The following MTUS2 variants were observed in gnomAD, a reference collection of about 807,000 sequenced individuals.
MTUS2 encodes the protein microtubule-associated tumor suppressor candidate 2.
In MTUS2, 40 loss-of-function variants were observed where a neutral mutation model predicts 114.1. The observed-to-expected ratio is 0.35, with a 90% CI of 0.27 to 0.46. The LOEUF (loss-of-function observed/expected upper bound fraction) is 0.46. MTUS2 is among the 20% of genes least tolerant of loss of function. The probability of loss-of-function intolerance (pLI) is 1.00; values close to 1 mark genes in which losing one functional copy is unlikely to be tolerated. For missense variants in MTUS2, 1,679 were observed against 1,705.4 expected (o/e 0.98, Z 0.27); for synonymous variants, 688 against 672.0 (o/e 1.02, Z -0.37).
intron 8 of MTUS2, among the ~76,000 whole-genome samples, chr13:29,405,897 T>C (rs2138518879): frequency 6.6e-6 from 1 of 151,944 alleles, no homozygotes; most frequent in Middle Eastern, 3.4e-3. Context: ...CCTGCCACCA[T>C]GCCTGACTAA....
intron 2 of MTUS2, among the ~76,000 whole-genome samples, chr13:28,956,305 T>C (rs1883062791): frequency 6.6e-6 from 1 of 152,078 alleles, no homozygotes; most frequent in African/African-American, 2.4e-5. Context: ...CCCTCACTCC[T>C]ATCCCCAGCA....
intron 5 of MTUS2, among the ~76,000 whole-genome samples, chr13:29,217,838 C>A (rs982486047): frequency 3.3e-5 from 5 of 152,148 alleles, no homozygotes; most frequent in African/African-American, 9.7e-5. Context: ...TGTTCACAGG[C>A]CAGGTGTCCT....
chr13:29,309,798 G>A (rs534992700), intron 6 of MTUS2, among the ~76,000 whole-genome samples: 2 of 151,962 alleles, frequency 1.3e-5, no homozygotes, highest in Non-Finnish European at 2.9e-5. Context: ...GTACATAGTA[G>A]GTGTATATAT....
chr13:29,153,190 C>T (rs1037969144), intron 5 of MTUS2, among the ~76,000 whole-genome samples: 2 of 152,122 alleles, frequency 1.3e-5, no homozygotes, highest in Admixed American at 6.5e-5. Context: ...GCTCTTGACA[C>T]TTCAGTCCAA....
intron 4 of MTUS2, among the ~76,000 whole-genome samples, chr13:29,059,765 C>T (rs1399144892): frequency 6.6e-6 from 1 of 152,198 alleles, no homozygotes; most frequent in Non-Finnish European, 1.5e-5. Flanking sequence ...CCTAGGAAAA[C>T]AGGAGGCCAT....
At chr13:29,011,148 G>A (rs73164560) in intron 2 of MTUS2, among the ~76,000 whole-genome samples, 13 of 152,220 alleles carry the variant, frequency 8.5e-5, no homozygotes, top group Non-Finnish European at 1.6e-4. Flanking sequence ...TTCTTTGAGC[G>A]TCTTTGATTA....
At chr13:28,960,293 G>A (rs546107863) in intron 2 of MTUS2, among the ~76,000 whole-genome samples, 2 of 152,072 alleles carry the variant, frequency 1.3e-5, no homozygotes, top group Non-Finnish European at 2.9e-5. Context: ...ATTATAAAAT[G>A]GTACAAAGAA....
At chr13:29,208,280 C>T (rs1895278508) in intron 5 of MTUS2, among the ~76,000 whole-genome samples, 1 of 152,014 alleles carries the variant, frequency 6.6e-6, no homozygotes, top group Admixed American at 6.6e-5. Flanking sequence ...TATAGTATCT[C>T]TTCTTTTGTT....
intron 5 of MTUS2, among the ~76,000 whole-genome samples, chr13:29,155,350 C>A (rs1892816630): frequency 6.6e-6 from 1 of 152,190 alleles, no homozygotes; most frequent in South Asian, 2.1e-4. Context: ...CTTTCCATAT[C>A]ACTGTATAAT....
chr13:29,441,717 A>G (rs1877889926), intron 9 of MTUS2, among the ~76,000 whole-genome samples: 1 of 151,944 alleles, frequency 6.6e-6, no homozygotes, highest in Non-Finnish European at 1.5e-5. Context: ...ACCACCCTTC[A>G]CCCGTGGAGC....
At chr13:29,428,122 T>G (rs555622339) in intron 8 of MTUS2, among the ~76,000 whole-genome samples, 1 of 152,290 alleles carries the variant, frequency 6.6e-6, no homozygotes, top group Non-Finnish European at 1.5e-5. Context: ...ACAGTTATAT[T>G]TTAAATATGA....
chr13:29,366,288 CA>C (rs1456429252), intron 8 of MTUS2, among the ~76,000 whole-genome samples: 15 of 152,152 alleles, frequency 9.9e-5, no homozygotes, highest in Non-Finnish European at 1.5e-4. Flanking sequence ...AGAACTTGTG[CA>C]GGGAAACTCC....
intron 2 of MTUS2, among the ~76,000 whole-genome samples, chr13:28,978,247 G>T (rs1884205660): frequency 1.3e-5 from 2 of 152,124 alleles, no homozygotes; most frequent in African/African-American, 4.8e-5. Flanking sequence ...TTTCCCCCTA[G>T]ATTTAAGATC....
intron 8 of MTUS2, among the ~76,000 whole-genome samples, chr13:29,398,088 G>A (rs1246741375): frequency 6.6e-6 from 1 of 152,120 alleles, no homozygotes; most frequent in Non-Finnish European, 1.5e-5. Context: ...ACACATATCT[G>A]TTATATTACT....
chr13:29,436,972 T>TGG (rs1877456666), intron 8 of MTUS2, among the ~76,000 whole-genome samples: 1 of 152,168 alleles, frequency 6.6e-6, no homozygotes, highest in Admixed American at 6.6e-5. Flanking sequence ...ATCAGCAGTC[T>TGG]CCCTCATAGT....
chr13:28,942,898 G>A (rs1882322535), intron 2 of MTUS2, among the ~76,000 whole-genome samples: 1 of 152,004 alleles, frequency 6.6e-6, no homozygotes, highest in South Asian at 2.1e-4. Flanking sequence ...TCATTAAGGT[G>A]TACTTCATGT....
intron 12 of MTUS2, among the ~76,000 whole-genome samples, chr13:29,493,866 C>T (rs1566237142): frequency 6.6e-6 from 1 of 152,188 alleles, no homozygotes; most frequent in South Asian, 2.1e-4. Context: ...AGTCTGCGCC[C>T]TGCCACTGAC....
In MTUS2 at chr13:28,947,760, T is replaced by C. The variant is rs546019979; in HGVS notation, c.-242-76697T>C. On this transcript the variant is annotated intron_variant, in intron 2 of 15. Coordinates refer to ENST00000612955, the MANE Select transcript of MTUS2 (RefSeq NM_001033602.4). ...TTACACTTAAGGAAAATATAAGTCATTTTTTAGTCTAATTTTAATTTTCAT... is the reference window on the plus strand; with the variant it reads ...TTACACTTAAGGAAAATATAAGTCACTTTTTAGTCTAATTTTAATTTTCAT... Among the ~76,000 whole-genome samples, 4 of 152,328 alleles carry C rather than the reference T, an allele frequency of 2.6e-5. No individual in the cohort carries two copies. In the South Asian group the frequency reaches 8.3e-4, roughly 32 times the overall value.
chr13:29,013,494 A>T (rs1165862446), intron 2 of MTUS2, among the ~76,000 whole-genome samples: 1 of 152,212 alleles, frequency 6.6e-6, no homozygotes, highest in African/African-American at 2.4e-5. Context: ...GATCAATCCC[A>T]TGCTTTATTT....
Sources: gnomAD v4.1 joint callset for allele counts (sites outside exome capture counted in the v4.1 genomes callset) on GRCh38, gnomAD v4.1.1 for gene constraint, MANE v1.5 for transcripts, NCBI Gene and HGNC (gene_info 2026-07-23, HGNC 2026-07-21) for gene names.